TTBK2: variants seen among roughly 807,000 people sequenced by gnomAD.
TTBK2 encodes the protein tau-tubulin kinase 2.
A neutral mutation model predicts 110.8 loss-of-function variants in TTBK2; 28 were observed. The observed-to-expected ratio is 0.25, with a 90% confidence interval of 0.19 to 0.35. TTBK2 has a LOEUF of 0.35. Ranked by LOEUF, TTBK2 falls within the 10% of genes least tolerant of loss-of-function variation. The pLI is 1.00. For synonymous variants in TTBK2, 532 were observed against 527.3 expected (o/e 1.01, Z -0.12); for missense variants, 1,369 against 1,500.3 (o/e 0.91, Z 1.45).
At chr15:42,879,006 A>G (rs1252681426) in intron 1 of TTBK2, among the ~76,000 whole-genome samples, 3 of 152,214 alleles carry the variant, frequency 2.0e-5, no homozygotes, top group Admixed American at 6.5e-5. Flanking sequence ...TATCCTGAGA[A>G]CAATATACTG....
intron 9 of TTBK2, chr15:42,798,386 TC>T: frequency 2.3e-6 from 1 of 431,248 alleles, no homozygotes. Flanking sequence ...CTAGTATACA[TC>T]TGACTCCTTA....
chr15:42,819,414 T>G (rs1463216971), intron 6 of TTBK2, among the ~76,000 whole-genome samples: 1 of 152,134 alleles, frequency 6.6e-6, no homozygotes, highest in Non-Finnish European at 1.5e-5. Flanking sequence ...ATAAACAATC[T>G]ATGTGTTCTT....
At chr15:42,762,915 A>T (rs183886397) in intron 13 of TTBK2, among the ~76,000 whole-genome samples, 158 of 150,914 alleles carry the variant, frequency 1.0e-3, no homozygotes, top group South Asian at 8.6e-3. Context: ...GCTAAAAAAA[A>T]GTTGATTTTA....
At chr15:42,756,091 G>A (rs910789750) in intron 13 of TTBK2, among the ~76,000 whole-genome samples, 2 of 151,970 alleles carry the variant, frequency 1.3e-5, no homozygotes, top group African/African-American at 2.4e-5. Context: ...CAGCTTCTCG[G>A]GAAGCTGAGG....
At chr15:42,811,163 A>T (rs949441830) in intron 8 of TTBK2, among the ~76,000 whole-genome samples, 3 of 152,018 alleles carry the variant, frequency 2.0e-5, no homozygotes, top group Non-Finnish European at 4.4e-5. Flanking sequence ...GCTAATTTTT[A>T]AAAAATTTTT....
Position 42,878,492 on chromosome 15 carries a change from T to TACAC in TTBK2, c.69+53_69+56dup, listed in dbSNP as rs10650948. On this transcript the variant is annotated intron_variant, in intron 2 of 14. Transcript: ENST00000267890. ...ACCAAAAATTACCCCCCGATATGTA[T>TACAC]ACACACACACACACACACACACACA... 0.16 allele frequency: 250,241 copies of TACAC among 1,530,894 alleles called. 3,296 individuals carry two copies. The highest frequency in any genetic ancestry group is 0.24 in the African/African-American group (16,594 of 70,576). 94.8% of individuals were successfully genotyped at this position (1,530,894 alleles called of 1,614,324 possible). A position where few individuals can be genotyped will look rare whatever the true frequency, so the allele number is the denominator to read the frequency against.
chr15:42,824,696 T>C (rs935192696), intron 6 of TTBK2, among the ~76,000 whole-genome samples: 1 of 152,000 alleles, frequency 6.6e-6, no homozygotes. Context: ...AAGGGAACGA[T>C]GTACACTGGG....
chr15:42,760,132 T>A (rs1595883492), intron 13 of TTBK2, among the ~76,000 whole-genome samples: 1 of 152,276 alleles, frequency 6.6e-6, no homozygotes, highest in South Asian at 2.1e-4. Flanking sequence ...ACGCCTATAA[T>A]ACCAGCACTT....
At chr15:42,919,926 C>A (rs2031279293) in intron 1 of TTBK2, 2 of 528,664 alleles carry the variant, frequency 3.8e-6, no homozygotes, top group East Asian at 1.5e-4. Context: ...CAGCAAATGA[C>A]GAGCAAATCC....
At chr15:42,798,471 A>T (rs1286789796) in intron 9 of TTBK2, among the ~76,000 whole-genome samples, 1 of 152,248 alleles carries the variant, frequency 6.6e-6, no homozygotes, top group African/African-American at 2.4e-5. Flanking sequence ...AAACTAGGGT[A>T]ACATGTACCC....
intron 1 of TTBK2, among the ~76,000 whole-genome samples, chr15:42,886,528 C>T (rs902914317): frequency 1.3e-5 from 2 of 152,180 alleles, no homozygotes; most frequent in African/African-American, 4.8e-5. Flanking sequence ...CCAGGCGGGC[C>T]AGAGGCTGCC....
intron 1 of TTBK2, among the ~76,000 whole-genome samples, chr15:42,895,022 T>C (rs1895612725): frequency 6.6e-6 from 1 of 152,190 alleles, no homozygotes; most frequent in Admixed American, 6.5e-5. Flanking sequence ...TCATTCATGG[T>C]ATAAAACTCT....
At chr15:42,769,176 A>G (rs1889540152) in intron 13 of TTBK2, among the ~76,000 whole-genome samples, 3 of 152,236 alleles carry the variant, frequency 2.0e-5, no homozygotes, top group African/African-American at 7.2e-5. Context: ...AAACCTAGGC[A>G]ATACCATTCA....
Position 42,810,668 on chromosome 15 carries a change from G to C in TTBK2, c.768C>G (p.Ser256Arg), listed in dbSNP as rs1891668948. The C allele has an allele frequency of 6.2e-7, 1 of 1,613,970 alleles. No homozygotes were observed. The highest frequency in any genetic ancestry group is 8.5e-7 in the Non-Finnish European group (1 of 1,179,938). ...LMLKHLPPEFSIFLDHISSLD... is the reference protein window; with the variant it reads ...LMLKHLPPEFRIFLDHISSLD... The stretch of plus-strand genomic sequence containing the variant: ...AAGAAGAGATATGGTCTAGAAAGAT[G>C]CTGAATTCTGGAGGGAGATGTTTCA... Residue 256 changes from serine (S) to arginine (R), a missense_variant, in exon 9 of 15, where the codon AGC (serine) becomes AGG (arginine). By Grantham distance (110) the Ser-to-Arg change is moderately radical. Coordinates refer to ENST00000267890, the MANE Select transcript of TTBK2 (RefSeq NM_173500.4).
intron 1 of TTBK2, among the ~76,000 whole-genome samples, chr15:42,893,874 C>G (rs1339297121): frequency 6.6e-6 from 1 of 152,128 alleles, no homozygotes; most frequent in Non-Finnish European, 1.5e-5. Context: ...ACACAGACAA[C>G]CATCAAAAAC....
chr15:42,801,190 T>G lies in TTBK2; in HGVS notation c.823-6389A>C, dbSNP rs754690683. On this transcript the variant is annotated intron_variant, in intron 9 of 14. Coordinates refer to ENST00000267890, the MANE Select transcript of TTBK2 (RefSeq NM_173500.4). ...CTGGTGGTCTTCATATGGATACTCA[T>G]GTTCTGCATCCCAGACTCCAGCCAG... 4 of 1,383,602 alleles carry G rather than the reference T, an allele frequency of 2.9e-6. 1 individual carries two copies. The highest frequency in any genetic ancestry group is 4.0e-6 in the Non-Finnish European group (4 of 993,370). 85.7% of individuals were successfully genotyped at this position (1,383,602 alleles called of 1,614,324 possible). A position where few individuals can be genotyped will look rare whatever the true frequency, so the allele number is the denominator to read the frequency against.
chr15:42,770,170 C>A (rs554422207), intron 13 of TTBK2, among the ~76,000 whole-genome samples: 62 of 152,046 alleles, frequency 4.1e-4, no homozygotes, highest in South Asian at 1.2e-3. Context: ...GGGTGCAGCA[C>A]ACCAACATGG....
At chr15:42,854,206 T>C (rs1385569530) in intron 3 of TTBK2, among the ~76,000 whole-genome samples, 3 of 152,242 alleles carry the variant, frequency 2.0e-5, no homozygotes, top group Non-Finnish European at 4.4e-5. Context: ...CCCAAAGTGC[T>C]AGGATTAGAG....
intron 3 of TTBK2, among the ~76,000 whole-genome samples, chr15:42,841,111 G>A (rs192595196): frequency 5.0e-4 from 76 of 152,278 alleles, no homozygotes; most frequent in Admixed American, 2.2e-3. Flanking sequence ...CCACTGACCC[G>A]AAGGCAGTGG....
Sources: allele counts gnomAD v4.1 joint callset (sites outside exome capture counted in the v4.1 genomes callset), GRCh38; gene constraint gnomAD v4.1.1; transcripts MANE v1.5; gene names NCBI Gene and HGNC (gene_info 2026-07-23, HGNC 2026-07-21).